TRPM8: variants seen among roughly 807,000 people sequenced by gnomAD.
The protein encoded by TRPM8 is transient receptor potential cation channel subfamily M member 8.
In TRPM8, 110 loss-of-function variants were observed where a neutral mutation model predicts 133.7. That is an observed-to-expected ratio of 0.82 (90% CI 0.70 to 0.96). The LOEUF (loss-of-function observed/expected upper bound fraction) is 0.96, where lower values mean the gene tolerates loss of function less well. Among genes scored for constraint, TRPM8 ranks in the 40% least tolerant of loss-of-function variants. The pLI is 0.00. For missense variants in TRPM8, 1,291 were observed against 1,379.5 expected (o/e 0.94, Z 1.02); for synonymous variants, 535 against 532.3 (o/e 1.01, Z -0.07).
At chr2:234,008,142 T>G (rs77972674) in intron 24 of TRPM8, 39 bp downstream of exon 24, 1 of 1,540,528 alleles carries the variant, frequency 6.5e-7, no homozygotes, top group South Asian at 1.2e-5. Context: ...TTTTTTTTTT[T>G]GGTCACTAAT....
At chr2:233,955,440 T>C in intron 11 of TRPM8, 190 bp downstream of exon 11, 1 of 510,046 alleles carries the variant, frequency 2.0e-6, no homozygotes, top group Non-Finnish European at 3.5e-6. Context: ...ACTTAGTAGG[T>C]TTGTTGTGAA....
chr2:233,948,834 AC>A (rs1340934868), intron 8 of TRPM8, among the ~76,000 whole-genome samples: 2 of 152,200 alleles, frequency 1.3e-5, no homozygotes, highest in Non-Finnish European at 2.9e-5. Context: ...GGAGTTCGAG[AC>A]CAGCCTGGCC....
intron 1 of TRPM8, among the ~76,000 whole-genome samples, chr2:233,917,965 A>G (rs546888157): frequency 6.6e-6 from 1 of 152,352 alleles, no homozygotes; most frequent in South Asian, 2.1e-4. Context: ...CCGTTCTTCC[A>G]GCCTGTTGAA....
At chr2:233,953,627 A>C (rs140493732) in intron 9 of TRPM8, 6 of 219,746 alleles carry the variant, frequency 2.7e-5, no homozygotes, top group Non-Finnish European at 5.3e-5. Flanking sequence ...AGCATCTGCC[A>C]TGTGCCAGGC....
Position 233,966,710 on chromosome 2 carries a change from G to A in TRPM8, c.1980G>A (p.Ala660=), listed in dbSNP as rs145636954. ...AWGGSNCLEL[A]VEATDQHFIA... ...GTGGAAGCAACTGTCTGGAGCTGGC[G>A]GTGGAGGCCACAGACCAGCATTTCA... is the stretch of plus-strand genomic sequence containing the variant. Residue 660 remains alanine (A), a synonymous_variant, in exon 15 of 26, where the codon GCG becomes GCA. Coordinates refer to ENST00000324695, the MANE Select transcript of TRPM8 (RefSeq NM_024080.5). 1.4e-4 allele frequency: 223 copies of A among 1,610,374 alleles called. 1 individual carries two copies. Among genetic ancestry groups the A allele is most frequent in the Non-Finnish European group, 1.8e-4 (210 of 1,177,692 alleles).
chr2:233,996,783 T>C (rs967428501), intron 22 of TRPM8, among the ~76,000 whole-genome samples: 1 of 152,208 alleles, frequency 6.6e-6, no homozygotes, highest in African/African-American at 2.4e-5. Flanking sequence ...ATGTAAATAG[T>C]ATGTTGAACG....
rs149972957 is a variant in TRPM8 at position 233,955,208 on chromosome 2, C to T, written c.1320C>T (p.Asp440=). The T allele has an allele frequency of 3.7e-6, 6 of 1,613,998 alleles. No individual in the cohort carries two copies. The highest frequency in any genetic ancestry group is 5.1e-6 in the Non-Finnish European group (6 of 1,180,000). Residue 440 remains aspartate, a synonymous_variant, in exon 11 of 26, where the codon GAC becomes GAT. Transcript: ENST00000324695. ...LKLLLEWNQL[D]LANDEIFTND... ...TTCTGCTGGAGTGGAACCAGCTGGACTTAGCCAATGATGAGATTTTCACCA... is the reference window on the plus strand; with the variant it reads ...TTCTGCTGGAGTGGAACCAGCTGGATTTAGCCAATGATGAGATTTTCACCA...
At chr2:233,974,212 A>C (rs1413844795) in intron 17 of TRPM8, among the ~76,000 whole-genome samples, 1 of 151,886 alleles carries the variant, frequency 6.6e-6, no homozygotes, top group Non-Finnish European at 1.5e-5. Flanking sequence ...GGTAAGTGCC[A>C]AATTTTTTTT....
In TRPM8 at chr2:233,966,739, C is replaced by T. The variant is rs781210981; in HGVS notation, c.2009C>T (p.Ala670Val). Residue 670 changes from alanine (A) to valine (V), a missense_variant, in exon 15 of 26, where the codon GCC (alanine) becomes GTC (valine). Physicochemically the swap from Ala to Val is moderately conservative, Grantham distance 64 (BLOSUM62 0). This residue lies in a region of TRPM8 where 963 missense variants were observed against 968.9 expected (regional missense o/e 0.99). Transcript: ENST00000324695. The part of the protein sequence containing the change: ...AVEATDQHFI[A>V]QPGVQNFLSK... Reference sequence around the variant, plus strand: ...GAGGCCACAGACCAGCATTTCATCGCCCAGCCTGGGGTCCAGGTAAACCAT... The same window carrying T: ...GAGGCCACAGACCAGCATTTCATCGTCCAGCCTGGGGTCCAGGTAAACCAT... 6.3e-7 allele frequency: 1 copy of T among 1,588,720 alleles called. No individual in the cohort carries two copies. Among genetic ancestry groups the T allele is most frequent in the Non-Finnish European group, 8.6e-7 (1 of 1,163,926 alleles).
chr2:233,938,767 T>C (rs956696532), intron 4 of TRPM8, among the ~76,000 whole-genome samples: 9 of 152,090 alleles, frequency 5.9e-5, no homozygotes, highest in Admixed American at 1.3e-4. Flanking sequence ...AAGCAGTTCC[T>C]AGCTTGAATT....
At chr2:233,983,009 T>C in intron 19 of TRPM8, 44 bp from the exon 20 acceptor site, 1 of 1,583,310 alleles carries the variant, frequency 6.3e-7, no homozygotes, top group Non-Finnish European at 8.6e-7. Context: ...ACTTGCCAAC[T>C]GTGGGCACGG....
At chr2:233,947,225 T>C (rs1691066108) in intron 8 of TRPM8, 70 bp downstream of exon 8, 1 of 1,597,864 alleles carries the variant, frequency 6.3e-7, no homozygotes, top group African/African-American at 1.3e-5. Flanking sequence ...TTTTCAAGGA[T>C]TTGGGCTCAT....
intron 21 of TRPM8, among the ~76,000 whole-genome samples, chr2:233,994,147 T>C (rs1490617009): frequency 6.6e-6 from 1 of 152,228 alleles, no homozygotes; most frequent in African/African-American, 2.4e-5. Flanking sequence ...TAAACTGATT[T>C]CTGGCAAGTT....
intron 21 of TRPM8, among the ~76,000 whole-genome samples, chr2:233,987,659 A>G (rs1287169257): frequency 6.6e-6 from 1 of 152,146 alleles, no homozygotes; most frequent in Admixed American, 6.5e-5. Flanking sequence ...TGTTTCTAAA[A>G]CATCACCGAT....
intron 21 of TRPM8, among the ~76,000 whole-genome samples, chr2:233,994,557 C>T (rs1047028240): frequency 5.3e-5 from 8 of 152,200 alleles, no homozygotes; most frequent in Admixed American, 2.0e-4. Context: ...CTGCCTTACA[C>T]GGGATCCAGG....
chr2:233,927,679 G>T (rs1323713035), intron 2 of TRPM8, among the ~76,000 whole-genome samples: 1 of 151,986 alleles, frequency 6.6e-6, no homozygotes, highest in African/African-American at 2.4e-5. Flanking sequence ...CCTGGCCTCA[G>T]CATCAGAGCC....
rs201789114 is a variant in TRPM8 at position 233,939,039 on chromosome 2, C to T, written c.390C>T (p.Tyr130=). The change falls in exon 5 of 26, where the codon TAC becomes TAT. Residue 130 remains tyrosine, a synonymous_variant. Transcript: ENST00000324695. ...GCGACACGGACGCGGAAATCCTTTA[C>T]GAGCTGCTGACCCAGCACTGGCACC... is the stretch of plus-strand genomic sequence containing the variant. ...LSCDTDAEIL[Y]ELLTQHWHLK... is the part of the protein sequence containing the mutation. The T allele has an allele frequency of 1.1e-5, 17 of 1,614,078 alleles. No individual in the cohort carries two copies. The highest frequency in any genetic ancestry group is 5.3e-5 in the African/African-American group (4 of 74,934).
At chr2:233,993,302 C>T (rs1019610777) in intron 21 of TRPM8, among the ~76,000 whole-genome samples, 4 of 152,110 alleles carry the variant, frequency 2.6e-5, no homozygotes, top group African/African-American at 4.8e-5. Context: ...CAGGAGGGGC[C>T]GTGCAGTCAA....
chr2:233,936,890 CCTT>C (rs780609365), intron 3 of TRPM8, among the ~76,000 whole-genome samples: 2 of 123,072 alleles, frequency 1.6e-5, no homozygotes, highest in South Asian at 2.9e-4. Context: ...TTCTTTCTTT[CCTT>C]TTTTTTTTTT....
Sources: gnomAD v4.1 joint callset for allele counts (sites outside exome capture counted in the v4.1 genomes callset) on GRCh38, gnomAD v4.1.1 for gene constraint, gnomAD v4.1.1 regional missense constraint, MANE v1.5 for transcripts, NCBI Gene and HGNC (gene_info 2026-07-23, HGNC 2026-07-21) for gene names.